ERP44: variants seen among roughly 807,000 people sequenced by gnomAD.
The protein encoded by ERP44 is endoplasmic reticulum protein 44.
A neutral mutation model predicts 53.4 loss-of-function variants in ERP44; 25 were observed. The ratio of observed to expected loss-of-function variants is 0.47; its 90% confidence interval spans 0.34 to 0.65. The LOEUF (loss-of-function observed/expected upper bound fraction) is 0.65. ERP44 is among the 30% of genes least tolerant of loss of function. The pLI is 0.01. For synonymous variants in ERP44, 145 were observed against 161.2 expected (o/e 0.90, Z 0.76); for missense variants, 338 against 493.2 (o/e 0.69, Z 2.98).
chr9:100,098,301 A>G lies in ERP44; in HGVS notation c.57+483T>C, dbSNP rs575171865. Among the ~76,000 whole-genome samples, 39 of 152,282 alleles carry G rather than the reference A, an allele frequency of 2.6e-4. No individual in the cohort carries two copies. The South Asian group carries it at 7.5e-3, about 29-fold the overall frequency. On this transcript the variant is annotated intron_variant, in intron 1 of 11. Transcript: ENST00000262455. ...AACCAGTCTCCAGTTCCGGGTTCCC[A>G]ACCAATCGCATCAAGCCACAACAGA...
At chr9:100,035,170 A>C (rs1171950280) in intron 4 of ERP44, among the ~76,000 whole-genome samples, 1 of 152,206 alleles carries the variant, frequency 6.6e-6, no homozygotes, top group Non-Finnish European at 1.5e-5. Context: ...CTTGGCAAAA[A>C]ATTTATGGCT....
intron 2 of ERP44, among the ~76,000 whole-genome samples, chr9:100,058,085 T>C (rs1000532350): frequency 6.6e-6 from 1 of 152,156 alleles, no homozygotes; most frequent in African/African-American, 2.4e-5. Context: ...CTGTATCTTT[T>C]ATTTTATGGA....
intron 10 of ERP44, 97 bp downstream of exon 10, chr9:100,006,409 T>C (rs1016137152): frequency 1.1e-6 from 1 of 927,710 alleles, no homozygotes; most frequent in Non-Finnish European, 1.6e-6. Context: ...AGTCTTACTG[T>C]TCCAACATAG....
rs938533334 is a variant in ERP44, at chr9:100,067,492, G to A, written c.58-7320C>T. 2.6e-5 allele frequency among the ~76,000 whole-genome samples: 4 copies of A among 152,332 alleles called. No individual in the cohort carries two copies. The South Asian group carries it at 6.2e-4, about 24-fold the overall frequency. On this transcript the variant is annotated intron_variant, in intron 1 of 11. Transcript: ENST00000262455. ...GCAGACGGAGTCTGGTTCACTCAGT[G>A]CTCAATGGTGCCCAGGCTGGAGTGC...
In ERP44 at chr9:100,067,433, T is replaced by G. The variant is rs868598593; in HGVS notation, c.58-7261A>C. On this transcript the variant is annotated intron_variant, in intron 1 of 11. Coordinates refer to ENST00000262455, the MANE Select transcript of ERP44 (RefSeq NM_015051.3). The stretch of plus-strand genomic sequence containing the variant: ...GTCTCCAGCTCCTAACCGCGAGTGA[T>G]CCGCCAGCCTCGGCCTCCCGAGGTG... 5.9e-3 allele frequency among the ~76,000 whole-genome samples: 899 copies of G among 152,344 alleles called. 5 individuals are homozygous for G. The highest frequency in any genetic ancestry group is 0.022 in the South Asian group (106 of 4,832).
chr9:99,983,551 CAAAAAAAAAAAAAAA>C (rs59132233), intron 11 of ERP44, among the ~76,000 whole-genome samples: 2 of 66,974 alleles, frequency 3.0e-5, no homozygotes, highest in African/African-American at 1.4e-4. Context: ...GACTCCGTCT[CAAAAAAAAAAAAAAA>C]AAAAAAAAAG....
intron 4 of ERP44, among the ~76,000 whole-genome samples, chr9:100,028,261 G>T (rs947260099): frequency 6.6e-5 from 10 of 152,158 alleles, no homozygotes; most frequent in African/African-American, 2.4e-4. Flanking sequence ...GCAAGCATAT[G>T]AATGCCTCTT....
chr9:100,035,254 C>T (rs1342984075), intron 4 of ERP44, among the ~76,000 whole-genome samples: 2 of 152,164 alleles, frequency 1.3e-5, no homozygotes, highest in Non-Finnish European at 2.9e-5. Flanking sequence ...AGCCTCTGAA[C>T]TGCAAGAAAA....
At chr9:100,067,805 C>T (rs890115076) in intron 1 of ERP44, among the ~76,000 whole-genome samples, 6 of 152,120 alleles carry the variant, frequency 3.9e-5, no homozygotes, top group Non-Finnish European at 7.4e-5. Flanking sequence ...TGCCCAGCCG[C>T]CCATCGTCTG....
At chr9:99,997,756 T>C (rs1830328191) in intron 10 of ERP44, among the ~76,000 whole-genome samples, 3 of 152,206 alleles carry the variant, frequency 2.0e-5, no homozygotes, top group African/African-American at 7.2e-5. Flanking sequence ...TTGGGTTTTA[T>C]ACAGTGTGAA....
At chr9:100,067,777 G>C (rs1051905917) in intron 1 of ERP44, among the ~76,000 whole-genome samples, 5 of 152,020 alleles carry the variant, frequency 3.3e-5, no homozygotes, top group Non-Finnish European at 7.4e-5. Context: ...ATCCCATCTG[G>C]GAAGTGAGGA....
At chr9:100,024,335 T>TA (rs34537356) in intron 4 of ERP44, among the ~76,000 whole-genome samples, 32 of 135,142 alleles carry the variant, frequency 2.4e-4, no homozygotes, top group Admixed American at 4.9e-4. Flanking sequence ...CAAGACAAGT[T>TA]AAAAAAAAAA....
At chr9:100,038,043 C>G (rs1490617804) in intron 4 of ERP44, among the ~76,000 whole-genome samples, 1 of 152,084 alleles carries the variant, frequency 6.6e-6, no homozygotes, top group Non-Finnish European at 1.5e-5. Context: ...GAAATAAAGA[C>G]TTTCCCACAC....
chr9:100,055,210 C>T (rs1348422650), intron 3 of ERP44, among the ~76,000 whole-genome samples: 4 of 151,198 alleles, frequency 2.6e-5, no homozygotes, highest in Admixed American at 6.6e-5. Context: ...TTAATGAGTA[C>T]AAAAATATAG....
chr9:100,064,683 G>C (rs902188318), intron 1 of ERP44, among the ~76,000 whole-genome samples: 1 of 152,044 alleles, frequency 6.6e-6, no homozygotes, highest in Non-Finnish European at 1.5e-5. Flanking sequence ...TTAATGAGAG[G>C]CTACATATAT....
chr9:100,096,683 T>C (rs1456538563), intron 1 of ERP44, among the ~76,000 whole-genome samples: 2 of 152,188 alleles, frequency 1.3e-5, no homozygotes, highest in Non-Finnish European at 2.9e-5. Flanking sequence ...TATACAGCTT[T>C]TTAGAGGAGG....
intron 10 of ERP44, among the ~76,000 whole-genome samples, chr9:100,004,749 C>T (rs1017362838): frequency 2.0e-5 from 3 of 152,278 alleles, no homozygotes; most frequent in South Asian, 2.1e-4. Context: ...CTATCTCTGA[C>T]CTGGTTTCCT....
chr9:99,982,617 G>A lies in ERP44; in HGVS notation c.1216C>T (p.Leu406Phe), dbSNP rs1479341835. 1 of 1,539,714 alleles carries A rather than the reference G, an allele frequency of 6.5e-7. No homozygotes were observed. The highest frequency in any genetic ancestry group is 1.3e-5 in the South Asian group (1 of 77,366). ...ACAAACTGTTTTTCAAGTTTTTAAA[G>A]CTCATCTCGATCCCTCAATAGAGTA... is the stretch of plus-strand genomic sequence containing the variant. The part of the protein sequence containing the change: ...RYTLLRDRDE[L>F] The change falls in exon 12 of 12, where the codon CTT becomes TTT. Residue 406 changes from leucine to phenylalanine, a missense_variant. Physicochemically the swap from Leu to Phe is conservative, Grantham distance 22. Coordinates refer to ENST00000262455, the MANE Select transcript of ERP44 (RefSeq NM_015051.3).
At position 100,002,555 on chromosome 9, in the gene ERP44, T is replaced by C. The variant is rs143326166; in HGVS notation, c.1016+3951A>G. ...ATATAATATTGCTGGTTGGCAGTTT[T>C]CTTCCTTAAAGACTTTGAACATATC... is the stretch of plus-strand genomic sequence containing the variant. On this transcript the variant is annotated intron_variant, in intron 10 of 11. Transcript: ENST00000262455. 5.0e-3 allele frequency among the ~76,000 whole-genome samples: 762 copies of C among 152,338 alleles called. 19 individuals carry two copies. Among genetic ancestry groups the C allele is most frequent in the East Asian group, 0.024 (125 of 5,178 alleles).
Sources: gnomAD v4.1 joint callset for allele counts (sites outside exome capture counted in the v4.1 genomes callset) on GRCh38, gnomAD v4.1.1 for gene constraint, MANE v1.5 for transcripts, NCBI Gene and HGNC (gene_info 2026-07-23, HGNC 2026-07-21) for gene names.